Variants in MAPK10 observed in about 807,000 individuals in gnomAD.
MAPK10 encodes JNK3 alpha protein kinase.
A neutral mutation model predicts 59.3 loss-of-function variants in MAPK10; 25 were observed. The observed-to-expected ratio is 0.42, with a 90% CI of 0.31 to 0.59. The LOEUF (loss-of-function observed/expected upper bound fraction) is 0.59. MAPK10 is among the 20% of genes least tolerant of loss of function. The probability of loss-of-function intolerance (pLI) is 0.15; values close to 1 mark genes in which losing one functional copy is unlikely to be tolerated. For missense variants in MAPK10, 351 were observed against 568.9 expected (o/e 0.62, Z 3.90); for synonymous variants, 190 against 200.5 (o/e 0.95, Z 0.44).
chr4:86,287,540 A>G (rs1488728286), intron 2 of MAPK10, among the ~76,000 whole-genome samples: 1 of 152,188 alleles, frequency 6.6e-6, no homozygotes, highest in Non-Finnish European at 1.5e-5. Context: ...TTTAACACAC[A>G]TTTCAAAGCA....
At chr4:86,379,856 T>TG (rs1564765850) in intron 1 of MAPK10, among the ~76,000 whole-genome samples, 1 of 152,124 alleles carries the variant, frequency 6.6e-6, no homozygotes, top group African/African-American at 2.4e-5. Context: ...CTCTATATTT[T>TG]TGTGTGTGTG....
chr4:86,291,813 A>G (rs1237101912), intron 2 of MAPK10, among the ~76,000 whole-genome samples: 1 of 152,190 alleles, frequency 6.6e-6, no homozygotes, highest in African/African-American at 2.4e-5. Flanking sequence ...GCAAGTGCTA[A>G]TGCTATAAAT....
intron 1 of MAPK10, among the ~76,000 whole-genome samples, chr4:86,524,829 T>G (rs1341094552): frequency 6.6e-6 from 1 of 151,740 alleles, no homozygotes; most frequent in African/African-American, 2.4e-5. Context: ...CAACAAATAT[T>G]TAAATTAGGT....
intron 2 of MAPK10, among the ~76,000 whole-genome samples, chr4:86,196,508 T>A (rs1282920891): frequency 6.6e-6 from 1 of 152,212 alleles, no homozygotes; most frequent in Non-Finnish European, 1.5e-5. Flanking sequence ...TCCCATTCTG[T>A]AGGTTGCCTG....
At chr4:86,551,265 C>T (rs1372316886) in intron 1 of MAPK10, among the ~76,000 whole-genome samples, 1 of 152,184 alleles carries the variant, frequency 6.6e-6, no homozygotes, top group Non-Finnish European at 1.5e-5. Context: ...TTAATGATCA[C>T]ATCATATGCT....
intron 13 of MAPK10, 65 bp downstream of exon 13, chr4:86,029,132 C>G: frequency 1.0e-6 from 1 of 1,001,478 alleles, no homozygotes; most frequent in Non-Finnish European, 1.6e-6. Flanking sequence ...TTCTTGCAAC[C>G]CCTACACAAA....
intron 1 of MAPK10, among the ~76,000 whole-genome samples, chr4:86,520,920 G>A (rs1420258580): frequency 6.6e-6 from 1 of 152,152 alleles, no homozygotes; most frequent in African/African-American, 2.4e-5. Context: ...CTGGATTCCT[G>A]GCTCATGCTG....
intron 1 of MAPK10, among the ~76,000 whole-genome samples, chr4:86,565,352 GAGT>G (rs1340864628): frequency 6.6e-6 from 1 of 152,034 alleles, no homozygotes; most frequent in Non-Finnish European, 1.5e-5. Context: ...TGTAATTTAA[GAGT>G]AGACAGGAAC....
intron 1 of MAPK10, among the ~76,000 whole-genome samples, chr4:86,529,693 G>A (rs1160880723): frequency 6.6e-6 from 1 of 152,158 alleles, no homozygotes; most frequent in Non-Finnish European, 1.5e-5. Context: ...CCTGGGAGAT[G>A]GGAACAGCGA....
chr4:86,497,294 A>T (rs1460017167), intron 1 of MAPK10, among the ~76,000 whole-genome samples: 2 of 152,192 alleles, frequency 1.3e-5, no homozygotes, highest in African/African-American at 4.8e-5. Flanking sequence ...AAAAGCATCA[A>T]AGTCACACTT....
chr4:86,135,424 C>G, intron 4 of MAPK10, among the ~76,000 whole-genome samples: 1 of 152,198 alleles, frequency 6.6e-6, no homozygotes, highest in East Asian at 1.9e-4. Flanking sequence ...CCAGCAGGGG[C>G]ACACTGAAAC....
chr4:86,284,256 C>T (rs1477541010), intron 2 of MAPK10, among the ~76,000 whole-genome samples: 1 of 152,104 alleles, frequency 6.6e-6, no homozygotes, highest in Non-Finnish European at 1.5e-5. Flanking sequence ...GTAATTTGCC[C>T]AAGAACACAA....
chr4:86,203,325 C>G (rs1482281207), intron 2 of MAPK10, among the ~76,000 whole-genome samples: 1 of 151,890 alleles, frequency 6.6e-6, no homozygotes, highest in African/African-American at 2.4e-5. Flanking sequence ...TGGTGCACAG[C>G]AGCTGCTGTA....
intron 1 of MAPK10, among the ~76,000 whole-genome samples, chr4:86,401,826 A>C (rs1001805260): frequency 1.3e-5 from 2 of 152,204 alleles, no homozygotes; most frequent in Non-Finnish European, 2.9e-5. Flanking sequence ...ATCTTCCCAA[A>C]GAGAGAACCA....
chr4:86,541,557 T>C (rs1447749465), intron 1 of MAPK10, among the ~76,000 whole-genome samples: 1 of 152,106 alleles, frequency 6.6e-6, no homozygotes, highest in Non-Finnish European at 1.5e-5. Context: ...AATGTGATAA[T>C]AACCTCGAAG....
chr4:86,537,045 G>A (rs1392011565), intron 1 of MAPK10, among the ~76,000 whole-genome samples: 1 of 152,140 alleles, frequency 6.6e-6, no homozygotes, highest in Non-Finnish European at 1.5e-5. Context: ...GCAGGCATGA[G>A]GGTAGCCTGA....
At chr4:86,425,650 A>G (rs1447223924) in intron 1 of MAPK10, among the ~76,000 whole-genome samples, 1 of 152,188 alleles carries the variant, frequency 6.6e-6, no homozygotes, top group East Asian at 1.9e-4. Flanking sequence ...TATATTTTAA[A>G]TATATGTCAC....
intron 1 of MAPK10, among the ~76,000 whole-genome samples, chr4:86,389,680 A>G (rs1204292805): frequency 6.6e-6 from 1 of 152,202 alleles, no homozygotes; most frequent in African/African-American, 2.4e-5. Flanking sequence ...AATATCCAAC[A>G]CATGACAAAC....
chr4:86,588,482 C>CTA (rs1422347196), intron 1 of MAPK10, among the ~76,000 whole-genome samples: 1 of 152,078 alleles, frequency 6.6e-6, no homozygotes, highest in African/African-American at 2.4e-5. Context: ...TCAGATCATA[C>CTA]TATATGGCAA....
Sources: gnomAD v4.1 joint callset for allele counts (sites outside exome capture counted in the v4.1 genomes callset) on GRCh38, gnomAD v4.1.1 for gene constraint, MANE v1.5 for transcripts, NCBI Gene and HGNC (gene_info 2026-07-23, HGNC 2026-07-21) for gene names.